Variants in LUZP2 observed in about 807,000 individuals in gnomAD.
LUZP2 encodes leucine zipper protein 2.
A neutral mutation model predicts 51.6 loss-of-function variants in LUZP2; 52 were observed. The observed-to-expected ratio is 1.01, with a 90% CI of 0.81 to 1.27. The LOEUF (loss-of-function observed/expected upper bound fraction) is 1.27, where lower values mean the gene tolerates loss of function less well. LUZP2 is among the 50% of genes most tolerant of loss of function. The pLI is 0.00. For missense variants in LUZP2, 436 were observed against 395.4 expected (o/e 1.10, Z -0.87); for synonymous variants, 154 against 137.3 (o/e 1.12, Z -0.85).
At chr11:24,972,576 T>A (rs1222787607) in intron 7 of LUZP2, among the ~76,000 whole-genome samples, 1 of 152,126 alleles carries the variant, frequency 6.6e-6, no homozygotes, top group Non-Finnish European at 1.5e-5. Flanking sequence ...AAGACAACAA[T>A]GTTGTCCTTC....
intron 1 of LUZP2, among the ~76,000 whole-genome samples, chr11:24,549,529 A>T (rs1851661396): frequency 2.0e-5 from 3 of 152,142 alleles, no homozygotes; most frequent in African/African-American, 7.2e-5. Flanking sequence ...GTCGTTTATC[A>T]TCAAGTGTTA....
chr11:24,658,420 T>G (rs541343662), intron 1 of LUZP2, among the ~76,000 whole-genome samples: 5 of 152,228 alleles, frequency 3.3e-5, no homozygotes, highest in African/African-American at 9.6e-5. Context: ...ATAGAAAAAT[T>G]AATTCAAGAT....
At chr11:24,824,742 A>T (rs1020366220) in intron 5 of LUZP2, among the ~76,000 whole-genome samples, 2 of 152,136 alleles carry the variant, frequency 1.3e-5, no homozygotes, top group Non-Finnish European at 2.9e-5. Flanking sequence ...GAAATTAAAA[A>T]TATGCTTTTT....
chr11:24,520,928 C>T lies in LUZP2; in HGVS notation c.62+23623C>T, dbSNP rs1225636397. Among the ~76,000 whole-genome samples the T allele has an allele frequency of 4.6e-5, 7 of 152,196 alleles. No individual in the cohort carries two copies. The East Asian group carries it at 1.3e-3, about 29-fold the overall frequency. ...CAAGTCAAGAGAGTGGATATGATGC[C>T]TCAGTCCGCACCATCATTAGCTCCA... On this transcript the variant is annotated intron_variant, in intron 1 of 11. Transcript: ENST00000336930.
At chr11:24,970,635 A>T (rs1855713860) in intron 7 of LUZP2, among the ~76,000 whole-genome samples, 1 of 152,176 alleles carries the variant, frequency 6.6e-6, no homozygotes, top group South Asian at 2.1e-4. Context: ...ATAAAATGTA[A>T]TAATCTAGCC....
intron 9 of LUZP2, among the ~76,000 whole-genome samples, chr11:25,031,028 T>TTGAGACAGAGTCTCACTCTG: frequency 9.9e-6 from 1 of 100,516 alleles, no homozygotes; most frequent in African/African-American, 4.0e-5. Context: ...TTTTTTTTTT[T>TTGAGACAGAGTCTCACTCTG]TTGAGACAGA....
intron 9 of LUZP2, among the ~76,000 whole-genome samples, chr11:24,997,222 G>T (rs79608613): frequency 3.3e-5 from 5 of 151,034 alleles, no homozygotes; most frequent in African/African-American, 1.2e-4. Context: ...TGAACTAGTT[G>T]ACAGTTCCAC....
chr11:24,822,886 A>C (rs1248568952), intron 5 of LUZP2, among the ~76,000 whole-genome samples: 2 of 152,206 alleles, frequency 1.3e-5, no homozygotes, highest in East Asian at 3.8e-4. Flanking sequence ...AATTTACACC[A>C]CAAAATTCAT....
At chr11:24,539,937 CATT>C (rs1851303601) in intron 1 of LUZP2, among the ~76,000 whole-genome samples, 1 of 151,894 alleles carries the variant, frequency 6.6e-6, no homozygotes, top group South Asian at 2.1e-4. Context: ...TCTTCATCAC[CATT>C]ATTATGATAT....
intron 5 of LUZP2, among the ~76,000 whole-genome samples, chr11:24,777,140 G>A (rs545785675): frequency 4.0e-5 from 6 of 151,646 alleles, no homozygotes; most frequent in African/African-American, 1.2e-4. Flanking sequence ...GACTACAGGC[G>A]CCACCACCAC....
intron 6 of LUZP2, among the ~76,000 whole-genome samples, chr11:24,910,263 A>G (rs1853583928): frequency 6.6e-6 from 1 of 152,214 alleles, no homozygotes; most frequent in African/African-American, 2.4e-5. Context: ...AAAAAGAAAG[A>G]AAACATTTTC....
chr11:24,858,287 G>A (rs964620528), intron 5 of LUZP2, among the ~76,000 whole-genome samples: 1 of 152,064 alleles, frequency 6.6e-6, no homozygotes, highest in African/African-American at 2.4e-5. Context: ...TTACAGAATG[G>A]AAAACATAAT....
At chr11:24,976,705 GCAAAAA>G (rs2133904776) in intron 8 of LUZP2, 40 bp downstream of exon 8, 26 of 223,080 alleles carry the variant, frequency 1.2e-4, no homozygotes, top group Admixed American at 3.8e-4. Context: ...TGTAGTTTTA[GCAAAAA>G]AAAAAAAAAA....
At chr11:24,725,056 A>T (rs889868215) in intron 1 of LUZP2, among the ~76,000 whole-genome samples, 1 of 152,162 alleles carries the variant, frequency 6.6e-6, no homozygotes, top group African/African-American at 2.4e-5. Flanking sequence ...TATAATGCAA[A>T]TGCAATTTCA....
intron 1 of LUZP2, among the ~76,000 whole-genome samples, chr11:24,636,348 G>T (rs1433142109): frequency 6.6e-6 from 1 of 152,046 alleles, no homozygotes; most frequent in Non-Finnish European, 1.5e-5. Flanking sequence ...AATCAACCTG[G>T]AGCTAAGGCA....
chr11:24,956,753 G>C (rs977745169), intron 7 of LUZP2, among the ~76,000 whole-genome samples: 2 of 151,976 alleles, frequency 1.3e-5, no homozygotes, highest in African/African-American at 2.4e-5. Context: ...ATGAACAGGG[G>C]TGAAAAATGA....
At chr11:24,876,335 C>T (rs1196646735) in intron 5 of LUZP2, among the ~76,000 whole-genome samples, 2 of 149,888 alleles carry the variant, frequency 1.3e-5, no homozygotes, top group Admixed American at 1.3e-4. Flanking sequence ...GTTTTCCCAG[C>T]ACCATTTATT....
intron 4 of LUZP2, among the ~76,000 whole-genome samples, chr11:24,762,109 C>T (rs1860004787): frequency 6.6e-6 from 1 of 151,676 alleles, no homozygotes; most frequent in African/African-American, 2.4e-5. Context: ...TTGTTCTTTT[C>T]TTCATGTTTG....
At chr11:24,840,417 C>A (rs1393298024) in intron 5 of LUZP2, among the ~76,000 whole-genome samples, 1 of 151,696 alleles carries the variant, frequency 6.6e-6, no homozygotes, top group African/African-American at 2.4e-5. Flanking sequence ...GATTATAAAA[C>A]GTCTGCAAGG....
Sources: allele counts gnomAD v4.1 joint callset (sites outside exome capture counted in the v4.1 genomes callset), GRCh38; gene constraint gnomAD v4.1.1; transcripts MANE v1.5; gene names NCBI Gene and HGNC (gene_info 2026-07-23, HGNC 2026-07-21).